XKR6: variants seen among roughly 807,000 people sequenced by gnomAD.
XKR6 encodes the protein XK-related protein 6.
XKR6 carries 22 observed loss-of-function variants against 56.7 expected under a neutral mutation model. The observed-to-expected ratio is 0.39, with a 90% CI of 0.28 to 0.55. The LOEUF (loss-of-function observed/expected upper bound fraction) is 0.55. Among genes scored for constraint, XKR6 ranks in the 20% least tolerant of loss-of-function variants. The pLI, the probability that XKR6 is intolerant of heterozygous loss-of-function variation, is 0.66. For missense variants in XKR6, 852 were observed against 889.0 expected (o/e 0.96, Z 0.53); for synonymous variants, 524 against 387.8 (o/e 1.35, Z -4.13).
intron 1 of XKR6, among the ~76,000 whole-genome samples, chr8:11,056,127 G>A (rs1374731490): frequency 6.6e-6 from 1 of 152,184 alleles, no homozygotes; most frequent in Non-Finnish European, 1.5e-5. Flanking sequence ...TGCTGCTGGG[G>A]CTGGGGAGCT....
intron 1 of XKR6, chr8:11,124,920 TATTAA>T (rs1213817740): frequency 1.1e-4 from 16 of 146,520 alleles, no homozygotes; most frequent in South Asian, 2.2e-4. Context: ...CCGTCACTAC[TATTAA>T]AAAAAAAAAA....
At position 11,200,620 on chromosome 8, in the gene XKR6, G is replaced by T. The variant is rs754469665; in HGVS notation, c.720C>A (p.Ile240=). The T allele has an allele frequency of 1.3e-6, 2 of 1,550,410 alleles. No homozygotes were observed. Among genetic ancestry groups the T allele is most frequent in the South Asian group, 1.2e-5 (1 of 81,756 alleles). The change falls in exon 1 of 3, where the codon ATC becomes ATA. Residue 240 remains isoleucine, a synonymous_variant. Transcript: ENST00000416569. The surrounding 1 kb of genome is among the most constrained non-coding windows in gnomAD (Gnocchi z 6.4). ...AQRLCRLSVW[I]WQSVIHLLQM... ...GCAGCAGGTGGATGACCGACTGCCA[G>T]ATCCACACGGAGAGGCGACACAGGC...
chr8:11,044,056 G>T (rs746091546), intron 1 of XKR6, among the ~76,000 whole-genome samples: 1 of 152,152 alleles, frequency 6.6e-6, no homozygotes, highest in Admixed American at 6.5e-5. Flanking sequence ...GTGACTAACC[G>T]AACCCCTGTT....
rs539173984 is a variant in XKR6 at position 11,056,176 on chromosome 8, G to C, written c.765-131346C>G. Among the ~76,000 whole-genome samples, 13 of 152,350 alleles carry C rather than the reference G, an allele frequency of 8.5e-5. No individual in the cohort carries two copies. The East Asian group carries it at 1.2e-3, about 14-fold the overall frequency. ...GCGCTAGATGAGAGAGGCTTCCGGA[G>C]GCGTCCTGCTGCGCTCCCCAGACTG... On this transcript the variant is annotated intron_variant, in intron 1 of 2. Coordinates refer to ENST00000416569, the MANE Select transcript of XKR6 (RefSeq NM_173683.4).
At chr8:11,012,090 G>A (rs557410855) in intron 1 of XKR6, among the ~76,000 whole-genome samples, 52 of 152,302 alleles carry the variant, frequency 3.4e-4, no homozygotes, top group African/African-American at 1.1e-3. Context: ...GCAGGGCCTC[G>A]CAGTCCCCAT....
chr8:11,072,797 T>A (rs1800166383), intron 1 of XKR6, among the ~76,000 whole-genome samples: 1 of 150,302 alleles, frequency 6.7e-6, no homozygotes, highest in Non-Finnish European at 1.5e-5. Flanking sequence ...AAGCCTATAA[T>A]CCCAGCACTT....
intron 1 of XKR6, among the ~76,000 whole-genome samples, chr8:10,961,058 G>C (rs751209203): frequency 1.3e-5 from 2 of 152,134 alleles, no homozygotes; most frequent in African/African-American, 2.4e-5. Flanking sequence ...ACGGGTGCTG[G>C]GGTACAAAAG....
chr8:10,927,696 G>T lies in XKR6; in HGVS notation c.765-2866C>A, dbSNP rs1284830726. ...AGGCCGGGGCAAAGGAAAACAACAAGCCCAGAATACACCAATTCAACTGGG... is the reference window on the plus strand; with the variant it reads ...AGGCCGGGGCAAAGGAAAACAACAATCCCAGAATACACCAATTCAACTGGG... On this transcript the variant is annotated intron_variant, in intron 1 of 2. Transcript: ENST00000416569. 2.0e-5 allele frequency among the ~76,000 whole-genome samples: 3 copies of T among 152,108 alleles called. No individual in the cohort carries two copies. The East Asian group carries it at 5.8e-4, about 29-fold the overall frequency.
At chr8:10,967,396 C>T (rs899459022) in intron 1 of XKR6, among the ~76,000 whole-genome samples, 3 of 152,196 alleles carry the variant, frequency 2.0e-5, no homozygotes, top group African/African-American at 7.2e-5. Context: ...CCCTTCTTAA[C>T]TGCCTGGCCC....
At position 11,060,900 on chromosome 8, in the gene XKR6, T is replaced by C. The variant is rs185349792; in HGVS notation, c.765-136070A>G. Among the ~76,000 whole-genome samples, 64 of 152,342 alleles carry C rather than the reference T, an allele frequency of 4.2e-4. 1 individual carries two copies. Among genetic ancestry groups the C allele is most frequent in the African/African-American group, 1.5e-3 (61 of 41,572 alleles). On this transcript the variant is annotated intron_variant, in intron 1 of 2. Transcript: ENST00000416569. ...CCTCTTTTGATCCTGATACAAACCC[T>C]GATGAAGGGTAAATATTCTTATCCC...
At chr8:10,931,888 G>A (rs757924845) in intron 1 of XKR6, among the ~76,000 whole-genome samples, 1 of 152,064 alleles carries the variant, frequency 6.6e-6, no homozygotes, top group South Asian at 2.1e-4. Context: ...GAATGACATT[G>A]TTAAGAGAAT....
intron 1 of XKR6, among the ~76,000 whole-genome samples, chr8:11,182,407 T>C (rs1803037692): frequency 6.6e-6 from 1 of 152,230 alleles, no homozygotes; most frequent in Non-Finnish European, 1.5e-5. Context: ...CAGGACTAAC[T>C]TTGTACCTGG....
intron 1 of XKR6, among the ~76,000 whole-genome samples, chr8:11,007,946 G>A (rs1246481269): frequency 2.0e-5 from 3 of 152,150 alleles, no homozygotes; most frequent in Non-Finnish European, 2.9e-5. Context: ...GCAGGGCAGA[G>A]CAGAGCAGAG....
At position 10,898,413 on chromosome 8, in the gene XKR6, C is replaced by T. The variant is rs748299780; in HGVS notation, c.1465G>A (p.Ala489Thr). The change falls in exon 3 of 3, where the codon GCA becomes ACA. Residue 489 changes from alanine to threonine, a missense_variant. Ala to Thr is a moderately conservative substitution (Grantham distance 58, BLOSUM62 0). Transcript: ENST00000416569. This position sits in a 1 kb window ranked among gnomAD's most constrained non-coding sequence, Gnocchi z 6.6. ...ACGCCATAGTATAAGAGCATCATTG[C>T]GATCCCAGCCACAAAGCTAATAAAG... is the stretch of plus-strand genomic sequence containing the variant. ...CVFISFVAGI[A>T]MMLLYYGVLH... 3.2e-5 allele frequency: 52 copies of T among 1,613,800 alleles called. No homozygotes were observed. Among genetic ancestry groups the T allele is most frequent in the South Asian group, 2.6e-4 (24 of 91,036 alleles).
At chr8:11,137,955 G>A (rs572062318) in intron 1 of XKR6, 261 of 343,288 alleles carry the variant, frequency 7.6e-4, no homozygotes, top group African/African-American at 5.4e-3. Context: ...AAACCCACCA[G>A]GCTCATTCTC....
chr8:11,003,949 A>T (rs1370363185), intron 1 of XKR6, among the ~76,000 whole-genome samples: 1 of 152,148 alleles, frequency 6.6e-6, no homozygotes, highest in Non-Finnish European at 1.5e-5. Flanking sequence ...CTTCAAGGAG[A>T]GGAGACAGCA....
chr8:11,000,424 G>C (rs1161003455), intron 1 of XKR6, among the ~76,000 whole-genome samples: 1 of 152,194 alleles, frequency 6.6e-6, no homozygotes, highest in Admixed American at 6.5e-5. Flanking sequence ...GGTAGCTCAT[G>C]CCTGAAATCC....
Position 11,101,113 on chromosome 8 carries a change from A to G in XKR6, c.764+99463T>C, listed in dbSNP as rs564913437. 3.3e-4 allele frequency among the ~76,000 whole-genome samples: 51 copies of G among 152,374 alleles called. 2 individuals are homozygous for G. The highest frequency in any genetic ancestry group is 1.2e-3 in the African/African-American group (51 of 41,588). On this transcript the variant is annotated intron_variant, in intron 1 of 2. Coordinates refer to ENST00000416569, the MANE Select transcript of XKR6 (RefSeq NM_173683.4). ...TGCTCACGGGTAGTATTTGCAGTAC[A>G]GAATTCTAGTACTGTGCACCTCAGC...
At chr8:11,164,449 A>C (rs962349120) in intron 1 of XKR6, among the ~76,000 whole-genome samples, 1 of 152,080 alleles carries the variant, frequency 6.6e-6, no homozygotes, top group Non-Finnish European at 1.5e-5. Flanking sequence ...CTTCTCCCCT[A>C]TGGGTTCCTG....
Sources: allele counts gnomAD v4.1 joint callset (sites outside exome capture counted in the v4.1 genomes callset), GRCh38; gene constraint gnomAD v4.1.1; non-coding constraint Gnocchi (gnomAD v3.1); transcripts MANE v1.5; gene names NCBI Gene and HGNC (gene_info 2026-07-23, HGNC 2026-07-21).